The following MYO10 variants were observed in gnomAD, a reference collection of about 807,000 sequenced individuals.
MYO10 encodes the protein myosin X.
MYO10 carries 133 observed loss-of-function variants against 257.3 expected under a neutral mutation model. That is an observed-to-expected ratio of 0.52 (90% CI 0.45 to 0.60). The LOEUF (loss-of-function observed/expected upper bound fraction) is 0.60. Ranked by LOEUF, MYO10 falls within the 20% of genes least tolerant of loss-of-function variation. The pLI is 0.00. For synonymous variants in MYO10, 1,104 were observed against 1,028.6 expected (o/e 1.07, Z -1.40); for missense variants, 2,399 against 2,635.7 (o/e 0.91, Z 1.97).
intron 19 of MYO10, among the ~76,000 whole-genome samples, chr5:16,727,171 AAAAC>A (rs1739401784): frequency 6.6e-6 from 1 of 152,228 alleles, no homozygotes; most frequent in Non-Finnish European, 1.5e-5. Context: ...ATATGTTGTT[AAAAC>A]TGCTTTCACA....
intron 19 of MYO10, among the ~76,000 whole-genome samples, chr5:16,725,078 C>CTTTTTTTTTT (rs34100971): frequency 9.3e-5 from 7 of 74,890 alleles, no homozygotes; most frequent in Non-Finnish European, 1.7e-4. Context: ...CCTTCTTCTT[C>CTTTTTTTTTT]TTTTTTTTTT....
chr5:16,877,729 C>T (rs2126762375), intron 1 of MYO10, 22 bp from the exon 2 acceptor site: 7 of 1,588,062 alleles, frequency 4.4e-6, no homozygotes, highest in Non-Finnish European at 5.2e-6. Flanking sequence ...ACAAACAAGA[C>T]TGAACTGAGT....
At chr5:16,769,028 C>G in intron 10 of MYO10, 46 bp downstream of exon 10, 1 of 1,549,546 alleles carries the variant, frequency 6.5e-7, no homozygotes, top group Non-Finnish European at 8.7e-7. Flanking sequence ...TTAAGTTTCC[C>G]ACGGGGAACA....
chr5:16,835,296 G>T (rs532468000), intron 2 of MYO10, among the ~76,000 whole-genome samples: 3 of 151,910 alleles, frequency 2.0e-5, no homozygotes, highest in African/African-American at 7.2e-5. Flanking sequence ...AGCACTTTGA[G>T]ATAGGGTGGG....
intron 28 of MYO10, among the ~76,000 whole-genome samples, 156 bp downstream of exon 28, chr5:16,689,668 G>T (rs1404233546): frequency 6.6e-6 from 1 of 150,894 alleles, no homozygotes; most frequent in Non-Finnish European, 1.5e-5. Context: ...TTCCCCAAGG[G>T]ACAAGTGCAT....
At chr5:16,677,780 G>C (rs1579804868) in intron 33 of MYO10, among the ~76,000 whole-genome samples, 1 of 145,048 alleles carries the variant, frequency 6.9e-6, no homozygotes, top group Admixed American at 6.9e-5. Flanking sequence ...TTTTTTTGCA[G>C]ACAGAGTTTC....
chr5:16,761,290 C>T (rs953507080), intron 17 of MYO10, among the ~76,000 whole-genome samples, 174 bp downstream of exon 17: 3 of 152,116 alleles, frequency 2.0e-5, no homozygotes, highest in Non-Finnish European at 4.4e-5. Flanking sequence ...CATGCCCGAC[C>T]TTGCTTGTAT....
At chr5:16,918,743 C>T (rs544260351) in intron 1 of MYO10, among the ~76,000 whole-genome samples, 8 of 152,110 alleles carry the variant, frequency 5.3e-5, no homozygotes, top group African/African-American at 1.2e-4. Context: ...TCAGGTGATC[C>T]GCCTGCCTCA....
chr5:16,768,674 T>TTC (rs1553994341), intron 10 of MYO10, among the ~76,000 whole-genome samples: 4 of 130,486 alleles, frequency 3.1e-5, no homozygotes, highest in Admixed American at 7.6e-5. Context: ...CTTTTTTTTT[T>TTC]TTTTTTTTTT....
At chr5:16,685,611 T>C in intron 29 of MYO10, 127 bp downstream of exon 29, 1 of 683,058 alleles carries the variant, frequency 1.5e-6, no homozygotes, top group South Asian at 1.9e-5. Flanking sequence ...TCCTTAATTA[T>C]TCTATATTTA....
intron 9 of MYO10, 36 bp downstream of exon 9, chr5:16,779,509 A>G: frequency 7.9e-7 from 1 of 1,260,402 alleles, no homozygotes; most frequent in Non-Finnish European, 1.1e-6. Context: ...AAGGTATCTG[A>G]TATCTTAATA....
intron 1 of MYO10, among the ~76,000 whole-genome samples, chr5:16,882,738 A>G (rs1205090004): frequency 6.6e-6 from 1 of 152,154 alleles, no homozygotes; most frequent in East Asian, 1.9e-4. Context: ...ATGGCTACCC[A>G]GAGCTGGGTG....
chr5:16,674,848 T>C lies in MYO10; in HGVS notation c.4964+5A>G. Reference sequence around the variant, plus strand: ...CAGCTCATCTCCCGTGCCCCCATGCTTTACCTTTTCAGATGGAACTTGAGA... The same window carrying C: ...CAGCTCATCTCCCGTGCCCCCATGCCTTACCTTTTCAGATGGAACTTGAGA... On this transcript the variant is annotated splice_donor_5th_base_variant and intron_variant, in intron 35 of 40. Transcript: ENST00000513610. 2 of 1,613,690 alleles carry C rather than the reference T, an allele frequency of 1.2e-6. No individual in the cohort carries two copies. Among genetic ancestry groups the C allele is most frequent in the Non-Finnish European group, 1.7e-6 (2 of 1,179,782 alleles).
rs1011279474 is a variant in MYO10, at chr5:16,662,231, T to C, written c.*4461A>G. ...TACACACAAATACAGAACTTTACTA[T>C]AGCAGATTTTTGACCCCAATTTAGT... On this transcript the variant is annotated 3_prime_UTR_variant, in exon 41 of 41. Coordinates refer to ENST00000513610, the MANE Select transcript of MYO10 (RefSeq NM_012334.3). 2 of 151,632 alleles carry C rather than the reference T, an allele frequency of 1.3e-5. No homozygotes were observed. Among genetic ancestry groups the C allele is most frequent in the Admixed American group, 1.3e-4 (2 of 15,188 alleles). The allele number at this position is 151,632 out of a possible 1,614,324, so 9.4% of individuals were successfully genotyped here.
Position 16,681,345 on chromosome 5 carries a change from C to T in MYO10, c.4348G>A (p.Val1450Ile). Residue 1450 changes from valine to isoleucine, a missense_variant, in exon 32 of 41, where the codon GTC (valine) becomes ATC (isoleucine). This residue lies in a region of MYO10 where 1,820 missense variants were observed against 1,939.4 expected (regional missense o/e 0.94). Coordinates refer to ENST00000513610, the MANE Select transcript of MYO10 (RefSeq NM_012334.3). ...GTLVLNSLCS[V>I]VPPDEKIFKE... ...AATATCTTCTCATCTGGGGGGACGA[C>T]AGAGCAGAGGCTGTTGAGGACCAGG... is the stretch of plus-strand genomic sequence containing the variant. The T allele has an allele frequency of 6.2e-7, 1 of 1,613,486 alleles. No individual in the cohort carries two copies. The highest frequency in any genetic ancestry group is 1.1e-5 in the South Asian group (1 of 90,944).
intron 3 of MYO10, among the ~76,000 whole-genome samples, chr5:16,811,786 A>G (rs1201846435): frequency 6.6e-6 from 1 of 152,088 alleles, no homozygotes; most frequent in Non-Finnish European, 1.5e-5. Context: ...CATGGGCTCA[A>G]GCGATCCTCC....
At chr5:16,801,100 C>G (rs902830356) in intron 3 of MYO10, among the ~76,000 whole-genome samples, 1 of 152,122 alleles carries the variant, frequency 6.6e-6, no homozygotes, top group Non-Finnish European at 1.5e-5. Flanking sequence ...TTAAACTGAA[C>G]CATGAGTTGA....
intron 25 of MYO10, 40 bp downstream of exon 25, chr5:16,700,923 G>T: frequency 6.6e-7 from 1 of 1,504,818 alleles, no homozygotes; most frequent in Non-Finnish European, 8.9e-7. Context: ...GGGTGTGACC[G>T]GCCACCCATT....
chr5:16,787,800 G>A (rs1411765958), intron 4 of MYO10, among the ~76,000 whole-genome samples: 4 of 151,824 alleles, frequency 2.6e-5, no homozygotes, highest in African/African-American at 7.3e-5. Context: ...CTAAAGGATC[G>A]TTCTTTTGTG....
Sources: gnomAD v4.1 joint callset for allele counts (sites outside exome capture counted in the v4.1 genomes callset) on GRCh38, gnomAD v4.1.1 for gene constraint, gnomAD v4.1.1 regional missense constraint, MANE v1.5 for transcripts, NCBI Gene and HGNC (gene_info 2026-07-23, HGNC 2026-07-21) for gene names.